The following NFKB1 variants were observed in gnomAD, a reference collection of about 807,000 sequenced individuals.
NFKB1 encodes nuclear factor kappa B subunit 1.
Under a neutral mutation model 105.1 loss-of-function variants are expected in NFKB1, and 9 were observed. The observed-to-expected ratio is 0.09, with a 90% CI of 0.05 to 0.15. The LOEUF (loss-of-function observed/expected upper bound fraction) is 0.15. Ranked by LOEUF, NFKB1 falls within the 10% of genes least tolerant of loss-of-function variation. NFKB1 has a pLI of 1.00. For synonymous variants in NFKB1, 440 were observed against 442.2 expected, an observed-to-expected ratio of 1.00 and a Z score of 0.06; for missense variants, 830 against 1,203.7, an observed-to-expected ratio of 0.69 and a Z score of 4.59.
At chr4:102,520,672 A>G (rs1024904241) in intron 1 of NFKB1, among the ~76,000 whole-genome samples, 5 of 152,142 alleles carry the variant, frequency 3.3e-5, no homozygotes, top group Admixed American at 2.6e-4. Flanking sequence ...AACTTTCAGA[A>G]ATCAGCTTTT....
At chr4:102,560,770 G>A (rs1723360480) in intron 5 of NFKB1, among the ~76,000 whole-genome samples, 1 of 152,112 alleles carries the variant, frequency 6.6e-6, no homozygotes, top group Non-Finnish European at 1.5e-5. Flanking sequence ...TACAAAATAG[G>A]GGTAATAGAG....
At chr4:102,606,857 C>G (rs992759755) in intron 17 of NFKB1, among the ~76,000 whole-genome samples, 160 bp downstream of exon 17, 3 of 152,148 alleles carry the variant, frequency 2.0e-5, no homozygotes, top group Admixed American at 1.3e-4. Context: ...CTCACCAAAG[C>G]TAATTTTTTT....
At chr4:102,507,284 G>A (rs1201909816) in intron 1 of NFKB1, among the ~76,000 whole-genome samples, 4 of 151,940 alleles carry the variant, frequency 2.6e-5, no homozygotes, top group Non-Finnish European at 4.4e-5. Context: ...GTTCCCTTAC[G>A]AGTTCAGTCT....
intron 6 of NFKB1, among the ~76,000 whole-genome samples, chr4:102,573,590 G>A (rs958073741): frequency 2.6e-5 from 4 of 151,812 alleles, no homozygotes; most frequent in African/African-American, 4.8e-5. Flanking sequence ...TATTTAGTAC[G>A]TTTTAAAACT....
chr4:102,538,703 TAGAC>T (rs1560653248), intron 5 of NFKB1, among the ~76,000 whole-genome samples: 1 of 152,212 alleles, frequency 6.6e-6, no homozygotes, highest in Non-Finnish European at 1.5e-5. Context: ...CTATGTTTCA[TAGAC>T]TGACTGATGA....
At chr4:102,509,965 T>G (rs1207652326) in intron 1 of NFKB1, among the ~76,000 whole-genome samples, 1 of 152,150 alleles carries the variant, frequency 6.6e-6, no homozygotes, top group East Asian at 1.9e-4. Flanking sequence ...CTCACCCCCT[T>G]ACTCCCTCCG....
chr4:102,566,551 C>T (rs1723886786), intron 5 of NFKB1, among the ~76,000 whole-genome samples: 1 of 152,218 alleles, frequency 6.6e-6, no homozygotes, highest in Non-Finnish European at 1.5e-5. Context: ...TTTCTGCTTA[C>T]CTGCCTTCTT....
At chr4:102,613,371 C>G in intron 22 of NFKB1, 54 bp from the exon 23 acceptor site, 1 of 1,584,550 alleles carries the variant, frequency 6.3e-7, no homozygotes, top group East Asian at 2.2e-5. Flanking sequence ...TGCTTACAGC[C>G]TGCACTGGGA....
chr4:102,573,938 T>C (rs941197491), intron 6 of NFKB1, among the ~76,000 whole-genome samples: 1 of 152,064 alleles, frequency 6.6e-6, no homozygotes, highest in Non-Finnish European at 1.5e-5. Context: ...TGCTTTCTTC[T>C]TTTTCTGATC....
chr4:102,551,380 G>GCGCA (rs1553931321), intron 5 of NFKB1, among the ~76,000 whole-genome samples: 1 of 151,230 alleles, frequency 6.6e-6, no homozygotes, highest in Non-Finnish European at 1.5e-5. Context: ...GCGCGCGCAT[G>GCGCA]TGTGTGTGTG....
chr4:102,550,775 TG>T (rs1722512997), intron 5 of NFKB1, among the ~76,000 whole-genome samples: 1 of 152,210 alleles, frequency 6.6e-6, no homozygotes. Flanking sequence ...AAAAGTTACT[TG>T]GATTAGATTT....
At chr4:102,506,307 A>C (rs1739412235) in intron 1 of NFKB1, among the ~76,000 whole-genome samples, 1 of 152,232 alleles carries the variant, frequency 6.6e-6, no homozygotes, top group Non-Finnish European at 1.5e-5. Context: ...TGGTAATCTA[A>C]GAATTGTTAA....
intron 6 of NFKB1, among the ~76,000 whole-genome samples, chr4:102,573,257 G>A (rs1297369297): frequency 6.6e-6 from 1 of 152,118 alleles, no homozygotes; most frequent in Non-Finnish European, 1.5e-5. Context: ...GCGGTGAGCC[G>A]AGATCGCACA....
At chr4:102,531,017 G>A (rs886499617) in intron 3 of NFKB1, among the ~76,000 whole-genome samples, 2 of 152,112 alleles carry the variant, frequency 1.3e-5, no homozygotes, top group Non-Finnish European at 2.9e-5. Flanking sequence ...TTGGTAGTGT[G>A]TGTGTTTCTT....
At chr4:102,570,383 TATG>T (rs1560682831) in intron 6 of NFKB1, among the ~76,000 whole-genome samples, 1 of 152,164 alleles carries the variant, frequency 6.6e-6, no homozygotes, top group African/African-American at 2.4e-5. Context: ...CTGCAAAACA[TATG>T]ATCTTATTCT....
At chr4:102,588,351 G>A (rs572692141) in intron 11 of NFKB1, among the ~76,000 whole-genome samples, 1 of 152,108 alleles carries the variant, frequency 6.6e-6, no homozygotes, top group East Asian at 1.9e-4. Context: ...AAAAATTATT[G>A]GAGATGGTTG....
intron 5 of NFKB1, among the ~76,000 whole-genome samples, chr4:102,560,822 G>A (rs929671117): frequency 6.6e-6 from 1 of 152,174 alleles, no homozygotes; most frequent in African/African-American, 2.4e-5. Context: ...AGGCCCAAGG[G>A]TCTTTACAAA....
chr4:102,613,353 G>T, intron 22 of NFKB1, 72 bp from the exon 23 acceptor site: 1 of 1,508,160 alleles, frequency 6.6e-7, no homozygotes, highest in Non-Finnish European at 9.1e-7. Flanking sequence ...GGAAGGGTGG[G>T]CTGTCAGTGC....
At chr4:102,569,894 T>C (rs575994107) in intron 6 of NFKB1, among the ~76,000 whole-genome samples, 1 of 152,306 alleles carries the variant, frequency 6.6e-6, no homozygotes, top group South Asian at 2.1e-4. Context: ...TTTAATTTTG[T>C]CTTTTTTAAA....
Sources: gnomAD v4.1 joint callset for allele counts (sites outside exome capture counted in the v4.1 genomes callset) on GRCh38, gnomAD v4.1.1 for gene constraint, MANE v1.5 for transcripts, NCBI Gene and HGNC (gene_info 2026-07-23, HGNC 2026-07-21) for gene names.